SERINC5: variants seen among roughly 807,000 people sequenced by gnomAD.
The protein encoded by SERINC5 is chromosome 5 open reading frame 12.
In SERINC5, 41 loss-of-function variants were observed where a neutral mutation model predicts 63.1. The observed-to-expected ratio is 0.65, with a 90% CI of 0.51 to 0.84. The LOEUF (loss-of-function observed/expected upper bound fraction) is 0.84. SERINC5 is among the 40% of genes least tolerant of loss of function. The pLI is 0.00. For synonymous variants in SERINC5, 222 were observed against 215.2 expected, an observed-to-expected ratio of 1.03 and a Z score of -0.28; for missense variants, 523 against 573.0, an observed-to-expected ratio of 0.91 and a Z score of 0.89.
chr5:80,226,469 G>A (rs1751169614), intron 1 of SERINC5, among the ~76,000 whole-genome samples: 1 of 152,072 alleles, frequency 6.6e-6, no homozygotes, highest in Non-Finnish European at 1.5e-5. Context: ...CAGGATATCT[G>A]GAATATACTG....
downstream of SERINC5, among the ~76,000 whole-genome samples, chr5:80,111,337 G>T (rs1744101777): frequency 1.3e-5 from 2 of 152,176 alleles, no homozygotes; most frequent in South Asian, 4.1e-4. Flanking sequence ...TTTAGAGAGG[G>T]GAGGGGGAGC....
chr5:80,211,542 G>C (rs924403421), intron 1 of SERINC5, among the ~76,000 whole-genome samples: 5 of 152,214 alleles, frequency 3.3e-5, no homozygotes, highest in Non-Finnish European at 7.3e-5. Context: ...CACATCTGTT[G>C]TAACTTCTGA....
At chr5:80,222,272 G>A (rs2112541058) in intron 1 of SERINC5, among the ~76,000 whole-genome samples, 1 of 152,256 alleles carries the variant, frequency 6.6e-6, no homozygotes, top group East Asian at 1.9e-4. Flanking sequence ...TATGCTCCCT[G>A]AAGAAGAATC....
chr5:80,129,865 AAC>A lies in SERINC5; in HGVS notation c.1238+16223_1238+16224del, dbSNP rs370927639. On this transcript the variant is annotated intron_variant, in intron 11 of 12. Transcript: ENST00000509193. ...GAGGTCAGAAGGTGTGTCATTTTTT[AAC>A]AGTTTTGATACATTTTGCTAAATGT... Among the ~76,000 whole-genome samples the A allele has an allele frequency of 7.2e-3, 1,097 of 152,296 alleles. 18 individuals carry two copies. The highest frequency in any genetic ancestry group is 0.025 in the African/African-American group (1,027 of 41,568).
chr5:80,213,078 C>A (rs749587643), intron 1 of SERINC5, among the ~76,000 whole-genome samples: 1 of 151,966 alleles, frequency 6.6e-6, no homozygotes, highest in Non-Finnish European at 1.5e-5. Context: ...AACCCTGTCT[C>A]TACTAAAAAT....
intron 9 of SERINC5, among the ~76,000 whole-genome samples, chr5:80,149,626 G>A (rs1047064329): frequency 1.3e-5 from 2 of 152,148 alleles, no homozygotes; most frequent in Admixed American, 6.6e-5. Context: ...CAGATCCTGG[G>A]GCCAGAGTAC....
At chr5:80,152,027 C>T in intron 8 of SERINC5, among the ~76,000 whole-genome samples, 1 of 152,334 alleles carries the variant, frequency 6.6e-6, no homozygotes, top group South Asian at 2.1e-4. Context: ...GATCCAAGTT[C>T]ACTGTTTCTT....
intron 11 of SERINC5, among the ~76,000 whole-genome samples, chr5:80,122,989 C>T (rs1744608522): frequency 6.6e-6 from 1 of 152,242 alleles, no homozygotes; most frequent in African/African-American, 2.4e-5. Flanking sequence ...GCAAGCCTGC[C>T]TGGACTTCTG....
In SERINC5 at chr5:80,140,995, T is replaced by C. The variant is rs942133753; in HGVS notation, c.*2668A>G. The stretch of plus-strand genomic sequence containing the variant: ...CCGTTGTTATAGGAACTCAAAGCCA[T>C]TGGCACAATGTTTCCAGTTTCTCAA... On this transcript the variant is annotated 3_prime_UTR_variant, in exon 12 of 12. Coordinates refer to ENST00000507668, the MANE Select transcript of SERINC5 (RefSeq NM_001174072.3). The C allele has an allele frequency of 3.0e-6, 3 of 985,408 alleles. No homozygotes were observed. The highest frequency in any genetic ancestry group is 4.7e-5 in the South Asian group (1 of 21,284). The allele number at this position is 985,408 out of a possible 1,614,324, so 61.0% of individuals were successfully genotyped here.
At chr5:80,210,537 C>A (rs185400438) in intron 1 of SERINC5, among the ~76,000 whole-genome samples, 22 of 152,270 alleles carry the variant, frequency 1.4e-4, no homozygotes, top group Admixed American at 4.6e-4. Context: ...AGTACTACTT[C>A]TGTTAAATTA....
chr5:80,168,095 G>A (rs1747420489), intron 6 of SERINC5, among the ~76,000 whole-genome samples: 1 of 152,040 alleles, frequency 6.6e-6, no homozygotes, highest in Non-Finnish European at 1.5e-5. Flanking sequence ...GTTGTTCTAG[G>A]AACTCTTAAC....
chr5:80,216,281 C>T (rs908343240), intron 1 of SERINC5, among the ~76,000 whole-genome samples: 1 of 152,144 alleles, frequency 6.6e-6, no homozygotes, highest in Non-Finnish European at 1.5e-5. Context: ...CGCTAGATGC[C>T]AGTCACAACT....
Position 80,166,402 on chromosome 5 carries a change from G to A in SERINC5, c.840C>T (p.Ser280=), listed in dbSNP as rs1316168370. Residue 280 remains serine (S), a synonymous_variant, in exon 7 of 12, where the codon TCC becomes TCT. Coordinates refer to ENST00000507668, the MANE Select transcript of SERINC5 (RefSeq NM_001174072.3). ...GCTTACCTACTTCTGCAGGTTTGCT[G>A]GACAGAGCTGAGAAGGTGAGGTAGG... ...YVTYLTFSAL[S]SKPAEVVLDE... The A allele has an allele frequency of 1.1e-5, 18 of 1,589,556 alleles. No homozygotes were observed. The highest frequency in any genetic ancestry group is 3.5e-5 in the Admixed American group (2 of 56,540).
chr5:80,168,366 T>C (rs1264370290), intron 6 of SERINC5, among the ~76,000 whole-genome samples: 1 of 152,050 alleles, frequency 6.6e-6, no homozygotes, highest in Non-Finnish European at 1.5e-5. Flanking sequence ...CTGGCTAATT[T>C]TCTGGGTATT....
intron 2 of SERINC5, among the ~76,000 whole-genome samples, chr5:80,200,771 T>C (rs1373475227): frequency 6.6e-6 from 1 of 152,116 alleles, no homozygotes; most frequent in Non-Finnish European, 1.5e-5. Flanking sequence ...AAAATGGTTG[T>C]TTTGAAATAC....
chr5:80,244,666 A>G (rs1324892651), intron 1 of SERINC5, among the ~76,000 whole-genome samples: 1 of 151,964 alleles, frequency 6.6e-6, no homozygotes, highest in Non-Finnish European at 1.5e-5. Context: ...ACTAAAAAAT[A>G]CAAAAATTAG....
intron 11 of SERINC5, among the ~76,000 whole-genome samples, chr5:80,129,858 A>AT (rs1383177257): frequency 6.6e-6 from 1 of 152,078 alleles, no homozygotes; most frequent in Non-Finnish European, 1.5e-5. Flanking sequence ...AAGGTGTGTC[A>AT]TTTTTTAACA....
chr5:80,170,684 T>C (rs1411328146), intron 5 of SERINC5, among the ~76,000 whole-genome samples: 1 of 152,180 alleles, frequency 6.6e-6, no homozygotes, highest in African/African-American at 2.4e-5. Flanking sequence ...CCCCAAGTTT[T>C]CTCCATAAAC....
intron 4 of SERINC5, among the ~76,000 whole-genome samples, chr5:80,176,893 G>A (rs1748068885): frequency 6.6e-6 from 1 of 152,176 alleles, no homozygotes; most frequent in South Asian, 2.1e-4. Context: ...ATTAAAGCAG[G>A]TTCTAACAAT....
Sources: allele counts gnomAD v4.1 joint callset (sites outside exome capture counted in the v4.1 genomes callset), GRCh38; gene constraint gnomAD v4.1.1; transcripts MANE v1.5; gene names NCBI Gene and HGNC (gene_info 2026-07-23, HGNC 2026-07-21).